Variants in IBTK observed in about 807,000 individuals in gnomAD.
IBTK encodes the protein BTK-binding protein.
A neutral mutation model predicts 154.9 loss-of-function variants in IBTK; 83 were observed. That is an observed-to-expected ratio of 0.54 (90% CI 0.45 to 0.64). IBTK has a LOEUF of 0.64. IBTK is among the 30% of genes least tolerant of loss of function. IBTK has a pLI of 0.00. For missense variants in IBTK, 1,332 were observed against 1,584.6 expected (o/e 0.84, Z 2.71); for synonymous variants, 515 against 536.1 (o/e 0.96, Z 0.54).
intron 2 of IBTK, among the ~76,000 whole-genome samples, chr6:82,238,281 T>A (rs567019650): frequency 1.3e-4 from 19 of 151,986 alleles, no homozygotes; most frequent in Admixed American, 3.9e-4. Flanking sequence ...AAAATAAAAT[T>A]GTTAAATTTA....
chr6:82,227,326 A>G, intron 4 of IBTK, 24 bp from the exon 5 acceptor site: 1 of 1,333,524 alleles, frequency 7.5e-7, no homozygotes, highest in Admixed American at 2.0e-5. Context: ...AGAGAATATT[A>G]TTAAACTTCT....
At chr6:82,205,058 T>TAA in intron 16 of IBTK, 100 bp from the exon 17 acceptor site, 1 of 497,450 alleles carries the variant, frequency 2.0e-6, no homozygotes, top group Non-Finnish European at 3.4e-6. Flanking sequence ...GAGATTTAAG[T>TAA]AAAAAAAAAA....
intron 16 of IBTK, among the ~76,000 whole-genome samples, chr6:82,208,138 G>T: frequency 1.3e-5 from 2 of 150,968 alleles, no homozygotes; most frequent in East Asian, 1.9e-4. Flanking sequence ...AAAAAAAAAG[G>T]TAATTATGTG....
chr6:82,233,155 C>CA (rs35870814), intron 3 of IBTK, among the ~76,000 whole-genome samples: 7,644 of 93,070 alleles, frequency 0.082, 493 homozygotes, highest in African/African-American at 0.19. Context: ...GAAACTGTCT[C>CA]AAAAAAAAAA....
At chr6:82,207,095 AG>A in intron 16 of IBTK, among the ~76,000 whole-genome samples, 1 of 152,156 alleles carries the variant, frequency 6.6e-6, no homozygotes, top group Non-Finnish European at 1.5e-5. Context: ...AGGGCAATTA[AG>A]CAAGAAAAAG....
chr6:82,172,264 A>AT, intron 28 of IBTK, 116 bp downstream of exon 28: 1 of 1,018,998 alleles, frequency 9.8e-7, no homozygotes, highest in Non-Finnish European at 1.4e-6. Context: ...TGGCATTTAC[A>AT]TTTTAATTTC....
intron 1 of IBTK, among the ~76,000 whole-genome samples, chr6:82,247,061 C>CT (rs759957489): frequency 9.6e-6 from 1 of 104,664 alleles, no homozygotes; most frequent in Admixed American, 1.1e-4. Context: ...TCTCTCTCAA[C>CT]CCTCCACCCT....
Position 82,220,680 on chromosome 6 carries a change from C to T in IBTK, c.1158G>A (p.Gly386=). 1 of 1,600,676 alleles carries T rather than the reference C, an allele frequency of 6.2e-7. No homozygotes were observed. Among genetic ancestry groups the T allele is most frequent in the Non-Finnish European group, 8.5e-7 (1 of 1,175,880 alleles). ...GATCAACCTTGTATTCCATATGACC[C>T]CCAGACACAAGAACTTTTTTCAAGT... The part of the protein sequence containing the change: ...QLNLKKVLVS[G]GHMEYKVDPE... The change falls in exon 9 of 29, where the codon GGG becomes GGA. Residue 386 remains glycine, a synonymous_variant. Transcript: ENST00000306270.
Position 82,191,889 on chromosome 6 carries a change from A to G in IBTK, c.3339-10T>C, listed in dbSNP as rs142130349. 3,037 of 1,552,348 alleles carry G rather than the reference A, an allele frequency of 2.0e-3. 47 individuals carry two copies. The Admixed American group carries it at 0.028, about 14-fold the overall frequency. On this transcript the variant is annotated splice_polypyrimidine_tract_variant and intron_variant, in intron 23 of 28. Coordinates refer to ENST00000306270, the MANE Select transcript of IBTK (RefSeq NM_015525.4). ...AGGAGGGCTGACAGGACTAAAAGAC[A>G]TAAAAGGTTACTTTGCAAAGCATTC... is the stretch of plus-strand genomic sequence containing the variant.
At chr6:82,204,725 A>T in intron 17 of IBTK, 132 bp downstream of exon 17, 1 of 452,606 alleles carries the variant, frequency 2.2e-6, no homozygotes, top group Admixed American at 4.2e-5. Flanking sequence ...AATAATTTAC[A>T]TATTTTGGCA....
At chr6:82,180,252 G>T (rs1015499376) in intron 26 of IBTK, among the ~76,000 whole-genome samples, 1 of 151,760 alleles carries the variant, frequency 6.6e-6, no homozygotes, top group African/African-American at 2.4e-5. Context: ...ATTTTGTTTT[G>T]TTTTGTTTTT....
intron 10 of IBTK, among the ~76,000 whole-genome samples, chr6:82,217,669 T>C (rs1562095705): frequency 6.6e-6 from 1 of 152,214 alleles, no homozygotes. Flanking sequence ...TTATAAACAT[T>C]CTTGATTTTG....
chr6:82,242,364 T>G (rs1770983503), intron 1 of IBTK, among the ~76,000 whole-genome samples: 1 of 145,920 alleles, frequency 6.9e-6, no homozygotes, highest in Non-Finnish European at 1.5e-5. Context: ...AGCAAAACTC[T>G]GTATCAAAAA....
At position 82,220,240 on chromosome 6, in the gene IBTK, T is replaced by C. The variant is rs189532148; in HGVS notation, c.1248+350A>G. Among the ~76,000 whole-genome samples the C allele has an allele frequency of 2.0e-5, 3 of 152,242 alleles. No individual in the cohort carries two copies. In the East Asian group the frequency reaches 5.8e-4, roughly 29 times the overall value. ...ATAAATAAATAAAATTATAGTTACATTACATATCTTATATTTACGCAATTC... is the reference window on the plus strand; with the variant it reads ...ATAAATAAATAAAATTATAGTTACACTACATATCTTATATTTACGCAATTC... On this transcript the variant is annotated intron_variant, in intron 9 of 28. Transcript: ENST00000306270.
intron 3 of IBTK, among the ~76,000 whole-genome samples, chr6:82,232,113 T>C (rs867371353): frequency 7.2e-5 from 11 of 151,892 alleles, no homozygotes; most frequent in African/African-American, 2.4e-4. Flanking sequence ...CAGACTGGTC[T>C]TCACCTCACG....
chr6:82,240,563 T>A lies in IBTK; in HGVS notation c.-77A>T. On this transcript the variant is annotated 5_prime_UTR_variant, in exon 2 of 29. Transcript: ENST00000306270. ...AAATGAAAAAGCCAGGACACAAAGG[T>A]GCTATTGAGGAAGTTACAGAGAATA... is the stretch of plus-strand genomic sequence containing the variant. 2 of 1,202,850 alleles carry A rather than the reference T, an allele frequency of 1.7e-6. No homozygotes were observed. 74.5% of individuals were successfully genotyped at this position (1,202,850 alleles called of 1,614,324 possible). A position where few individuals can be genotyped will look rare whatever the true frequency, so the allele number is the denominator to read the frequency against.
At chr6:82,233,942 C>G (rs571093148) in intron 3 of IBTK, among the ~76,000 whole-genome samples, 3 of 152,178 alleles carry the variant, frequency 2.0e-5, no homozygotes, top group South Asian at 4.2e-4. Context: ...CCATGTTGGT[C>G]AGGCTCGAAC....
intron 2 of IBTK, among the ~76,000 whole-genome samples, chr6:82,236,573 T>C (rs1308723478): frequency 6.6e-6 from 1 of 152,218 alleles, no homozygotes; most frequent in Non-Finnish European, 1.5e-5. Context: ...CATAAGATAA[T>C]CTGTCTCTAT....
chr6:82,185,319 C>T (rs1488603751), intron 25 of IBTK, among the ~76,000 whole-genome samples: 5 of 150,768 alleles, frequency 3.3e-5, no homozygotes, highest in African/African-American at 7.3e-5. Flanking sequence ...CCAACACTTT[C>T]GGAGGTGGAG....
Sources: gnomAD v4.1 joint callset for allele counts (sites outside exome capture counted in the v4.1 genomes callset) on GRCh38, gnomAD v4.1.1 for gene constraint, MANE v1.5 for transcripts, NCBI Gene and HGNC (gene_info 2026-07-23, HGNC 2026-07-21) for gene names.